The following AUTS2 variants were observed in gnomAD, a reference collection of about 807,000 sequenced individuals.
AUTS2 encodes activator of transcription and developmental regulator AUTS2, also known as autism susceptibility gene 2 protein.
Under a neutral mutation model 112.4 loss-of-function variants are expected in AUTS2, and 17 were observed. That is an observed-to-expected ratio of 0.15 (90% CI 0.10 to 0.23). The LOEUF (loss-of-function observed/expected upper bound fraction) is 0.23, where lower values mean the gene tolerates loss of function less well. Ranked by LOEUF, AUTS2 falls within the 10% of genes least tolerant of loss-of-function variation. The pLI, the probability that AUTS2 is intolerant of heterozygous loss-of-function variation, is 1.00. For synonymous variants in AUTS2, 751 were observed against 702.7 expected (o/e 1.07, Z -1.09); for missense variants, 1,510 against 1,701.6 (o/e 0.89, Z 1.98).
chr7:70,250,894 A>G (rs901173274), intron 4 of AUTS2, among the ~76,000 whole-genome samples: 7 of 152,090 alleles, frequency 4.6e-5, no homozygotes, highest in African/African-American at 1.7e-4. Flanking sequence ...GGAGAGGATC[A>G]AAAAACTATC....
At chr7:69,705,185 C>T (rs1390213199) in intron 1 of AUTS2, among the ~76,000 whole-genome samples, 1 of 152,176 alleles carries the variant, frequency 6.6e-6, no homozygotes, top group Non-Finnish European at 1.5e-5. Flanking sequence ...TCTTCTATGC[C>T]TAGACTGTCT....
chr7:70,755,908 G>A (rs1376790263), intron 6 of AUTS2, among the ~76,000 whole-genome samples: 1 of 151,560 alleles, frequency 6.6e-6, no homozygotes, highest in Non-Finnish European at 1.5e-5. Flanking sequence ...ATAATTATTT[G>A]CTGTGTTTAA....
chr7:69,775,563 T>C (rs1378126439), intron 1 of AUTS2, among the ~76,000 whole-genome samples: 1 of 152,214 alleles, frequency 6.6e-6, no homozygotes, highest in Non-Finnish European at 1.5e-5. Context: ...TAGATTGGTC[T>C]GGCTGGTCCA....
intron 1 of AUTS2, among the ~76,000 whole-genome samples, chr7:69,640,296 C>T (rs563622397): frequency 2.0e-5 from 3 of 152,316 alleles, no homozygotes; most frequent in South Asian, 4.1e-4. Flanking sequence ...GACAGAAAGA[C>T]TTCTTGATCT....
At chr7:70,301,146 T>C (rs1050082792) in intron 4 of AUTS2, among the ~76,000 whole-genome samples, 3 of 152,232 alleles carry the variant, frequency 2.0e-5, no homozygotes, top group African/African-American at 7.2e-5. Context: ...TTCTGTGTTA[T>C]ATTTTATTTG....
Position 70,760,295 on chromosome 7 carries a change from G to A in AUTS2, c.743-2575G>A, listed in dbSNP as rs146564611. On this transcript the variant is annotated intron_variant, in intron 6 of 18. Transcript: ENST00000342771. Reference sequence around the variant, plus strand: ...GCTGGGATTACAGGCGTGAGCCACCGCACCCGGCCTACAAAAAGATTTTTA... The same window carrying A: ...GCTGGGATTACAGGCGTGAGCCACCACACCCGGCCTACAAAAAGATTTTTA... 2.5e-3 allele frequency among the ~76,000 whole-genome samples: 380 copies of A among 152,296 alleles called. 3 individuals carry two copies. The East Asian group carries it at 0.032, about 13-fold the overall frequency.
At chr7:70,265,556 G>A (rs1757384465) in intron 4 of AUTS2, among the ~76,000 whole-genome samples, 1 of 152,074 alleles carries the variant, frequency 6.6e-6, no homozygotes, top group Non-Finnish European at 1.5e-5. Flanking sequence ...GAAGCCAAAT[G>A]GGATGTCATT....
chr7:69,879,774 G>A (rs1041666527), intron 1 of AUTS2, among the ~76,000 whole-genome samples: 2 of 152,146 alleles, frequency 1.3e-5, no homozygotes, highest in Non-Finnish European at 2.9e-5. Context: ...TGTGAATCAC[G>A]GCCCTCAGTC....
chr7:69,748,589 G>C (rs1787608907), intron 1 of AUTS2, among the ~76,000 whole-genome samples: 1 of 152,136 alleles, frequency 6.6e-6, no homozygotes, highest in Non-Finnish European at 1.5e-5. Flanking sequence ...GAGAAATTTT[G>C]TATTCTGAAG....
intron 5 of AUTS2, among the ~76,000 whole-genome samples, chr7:70,460,491 C>T (rs1036867308): frequency 6.6e-6 from 1 of 151,958 alleles, no homozygotes; most frequent in Non-Finnish European, 1.5e-5. Context: ...GCTGGGATTA[C>T]AGGCATGTGC....
chr7:70,445,733 T>A (rs1428346327), intron 5 of AUTS2, among the ~76,000 whole-genome samples: 1 of 152,190 alleles, frequency 6.6e-6, no homozygotes, highest in East Asian at 1.9e-4. Flanking sequence ...AACTCAGTCT[T>A]CCTTTAAGTG....
chr7:70,553,795 C>T (rs1253430767), intron 5 of AUTS2, among the ~76,000 whole-genome samples: 7 of 97,094 alleles, frequency 7.2e-5, no homozygotes, highest in Admixed American at 5.2e-4. Flanking sequence ...GAGACGGAGT[C>T]TTGCTCTGTC....
At chr7:69,600,456 A>G (rs937372477) in intron 1 of AUTS2, among the ~76,000 whole-genome samples, 2 of 144,968 alleles carry the variant, frequency 1.4e-5, no homozygotes, top group African/African-American at 2.6e-5. Flanking sequence ...TGTAGTATAT[A>G]CCTTTCCCGG....
At chr7:70,610,415 G>A (rs940695485) in intron 5 of AUTS2, among the ~76,000 whole-genome samples, 2 of 139,200 alleles carry the variant, frequency 1.4e-5, no homozygotes, top group Non-Finnish European at 3.1e-5. Context: ...CCAAAACTTA[G>A]CGCTCATCTT....
At position 70,790,646 on chromosome 7, in the gene AUTS2, G is replaced by T; in HGVS notation, c.3430G>T (p.Glu1144Ter). Residue 1144 changes from glutamate to a stop codon, truncating the protein, a stop_gained, in exon 19 of 19, where the codon GAG becomes TAG. Coordinates refer to ENST00000342771, the MANE Select transcript of AUTS2 (RefSeq NM_015570.4). LOFTEE classifies it high-confidence loss of function. This position sits in a 1 kb window ranked among gnomAD's most constrained non-coding sequence, Gnocchi z 7.6. Reference sequence around the variant, plus strand: ...GTCTGTGGACCCTCGGCGGGAGCACGAGCGGGGAGGCCACCTGGACGAGCG... The same window carrying T: ...GTCTGTGGACCCTCGGCGGGAGCACTAGCGGGGAGGCCACCTGGACGAGCG... ...PLSVDPRREH[E>*]RGGHLDERER... 6.2e-7 allele frequency: 1 copy of T among 1,612,682 alleles called. No individual in the cohort carries two copies. Among genetic ancestry groups the T allele is most frequent in the South Asian group, 1.1e-5 (1 of 91,006 alleles).
chr7:70,759,241 T>C (rs1789407776), intron 6 of AUTS2, among the ~76,000 whole-genome samples: 1 of 152,252 alleles, frequency 6.6e-6, no homozygotes, highest in South Asian at 2.1e-4. Flanking sequence ...GAGTTGGGAC[T>C]GGAACTCAAG....
At chr7:70,133,056 A>T (rs760221300) in intron 3 of AUTS2, among the ~76,000 whole-genome samples, 1 of 152,146 alleles carries the variant, frequency 6.6e-6, no homozygotes, top group African/African-American at 2.4e-5. Flanking sequence ...ATCTCCCTCC[A>T]TACCATTTAT....
At chr7:70,257,649 G>A (rs1427558838) in intron 4 of AUTS2, among the ~76,000 whole-genome samples, 5 of 150,526 alleles carry the variant, frequency 3.3e-5, no homozygotes, top group African/African-American at 1.2e-4. Context: ...GTAGAGACGG[G>A]GCCTCACTGT....
chr7:70,092,472 A>G (rs1200345883), intron 2 of AUTS2, among the ~76,000 whole-genome samples: 1 of 152,190 alleles, frequency 6.6e-6, no homozygotes, highest in African/African-American at 2.4e-5. Flanking sequence ...CACTGGCAGC[A>G]AAATCCTAGT....
Sources: gnomAD v4.1 joint callset for allele counts (sites outside exome capture counted in the v4.1 genomes callset) on GRCh38, gnomAD v4.1.1 for gene constraint, Gnocchi (gnomAD v3.1) non-coding constraint, MANE v1.5 for transcripts, NCBI Gene and HGNC (gene_info 2026-07-23, HGNC 2026-07-21) for gene names.